ZNF675: variants seen among roughly 807,000 people sequenced by gnomAD.
The protein encoded by ZNF675 is zinc finger protein 675, also known as TRAF6 inhibitory zinc finger.
ZNF675 carries 36 observed loss-of-function variants against 56.1 expected under a neutral mutation model. The ratio of observed to expected loss-of-function variants is 0.64; its 90% CI spans 0.49 to 0.85. ZNF675 has a LOEUF of 0.85. Among genes scored for constraint, ZNF675 ranks in the 40% least tolerant of loss-of-function variants. The pLI, the probability that ZNF675 is intolerant of heterozygous loss-of-function variation, is 0.00. For missense variants in ZNF675, 663 were observed against 654.2 expected (o/e 1.01, Z -0.15); for synonymous variants, 200 against 218.9 (o/e 0.91, Z 0.76).
At chr19:23,668,074 T>C (rs1968177887) in intron 1 of ZNF675, among the ~76,000 whole-genome samples, 2 of 140,004 alleles carry the variant, frequency 1.4e-5, no homozygotes, top group Admixed American at 1.4e-4. Flanking sequence ...ACATAAAGGT[T>C]CTCCAAGGCC....
rs547912311 is a variant in ZNF675, at chr19:23,653,455, G to A, written c.1478C>T (p.Ser493Leu). The A allele has an allele frequency of 6.8e-6, 11 of 1,612,990 alleles. No individual in the cohort carries two copies. The highest frequency in any genetic ancestry group is 1.7e-5 in the Admixed American group (1 of 59,960). Reference sequence around the variant, plus strand: ...AATTCTTTTATGTGTAGTAAGGGATGAGGAGTGTTTAAAAGCTTTGCCACA... The same window carrying A: ...AATTCTTTTATGTGTAGTAAGGGATAAGGAGTGTTTAAAAGCTTTGCCACA... ...EECGKAFKHSSSLTTHKRIHT... is the reference protein window; with the variant it reads ...EECGKAFKHSLSLTTHKRIHT... Residue 493 changes from serine (S) to leucine (L), a missense_variant, in exon 4 of 4, where the codon TCA (serine) becomes TTA (leucine). Coordinates refer to ENST00000359788, the MANE Select transcript of ZNF675 (RefSeq NM_138330.3).
chr19:23,680,877 G>C (rs1412860441), intron 1 of ZNF675, among the ~76,000 whole-genome samples: 1 of 151,654 alleles, frequency 6.6e-6, no homozygotes, highest in Non-Finnish European at 1.5e-5. Flanking sequence ...AAGAGAATCA[G>C]AAAAAAATAC....
Position 23,653,973 on chromosome 19 carries a change from A to G in ZNF675, c.960T>C (p.Ala320=). The G allele has an allele frequency of 6.2e-7, 1 of 1,613,684 alleles. No homozygotes were observed. Among genetic ancestry groups the G allele is most frequent in the Non-Finnish European group, 8.5e-7 (1 of 1,179,880 alleles). Residue 320 remains alanine, a synonymous_variant, in exon 4 of 4, where the codon GCT becomes GCC. Transcript: ENST00000359788. Reference sequence around the variant, plus strand: ...TAGTAAGGGTTGAGGATTGGGTAAAAGCCTTGCCACATTCTTCACATATGT... The same window carrying G: ...TAGTAAGGGTTGAGGATTGGGTAAAGGCCTTGCCACATTCTTCACATATGT... ...QPYICEECGK[A]FTQSSTLTTH...
Position 23,654,489 on chromosome 19 carries a change from T to A in ZNF675, c.444A>T (p.Lys148Asn). 2 of 1,604,314 alleles carry A rather than the reference T, an allele frequency of 1.2e-6. No individual in the cohort carries two copies. Among genetic ancestry groups the A allele is most frequent in the Non-Finnish European group, 1.7e-6 (2 of 1,175,536 alleles). ...TMQSKMFQCD[K>N]YVKVFNKFSH... Reference sequence around the variant, plus strand: ...AAAATTTATTAAAGACTTTCACATATTTATCACATTGAAACATTTTGCTCT... The same window carrying A: ...AAAATTTATTAAAGACTTTCACATAATTATCACATTGAAACATTTTGCTCT... Residue 148 changes from lysine (K) to asparagine (N), a missense_variant, in exon 4 of 4, where the codon AAA (lysine) becomes AAT (asparagine). This residue lies in a region of ZNF675 where 617 missense variants were observed against 590.5 expected (regional missense o/e 1.04). Transcript: ENST00000359788.
chr19:23,679,501 A>G (rs1289513372), intron 1 of ZNF675, among the ~76,000 whole-genome samples: 17 of 151,730 alleles, frequency 1.1e-4, no homozygotes, highest in Non-Finnish European at 2.4e-4. Flanking sequence ...GAAGATACCA[A>G]AAGCAATTGC....
intron 1 of ZNF675, among the ~76,000 whole-genome samples, chr19:23,677,671 C>T (rs1968316311): frequency 7.4e-6 from 1 of 135,358 alleles, no homozygotes. Flanking sequence ...ACACCACTTG[C>T]ACTCCAGCCT....
Position 23,653,619 on chromosome 19 carries a change from T to C in ZNF675, c.1314A>G (p.Lys438=). The change falls in exon 4 of 4, where the codon AAA becomes AAG. Residue 438 remains lysine (K), a synonymous_variant. Transcript: ENST00000359788. ...TATGAAGTTTCTTATGTTCAGTAAG[T>C]TTTGAGGATCGGTTAAAAGCTTTGC... ...ECGKAFNRSS[K]LTEHKKLHTG... 6.2e-7 allele frequency: 1 copy of C among 1,612,102 alleles called. No individual in the cohort carries two copies. The highest frequency in any genetic ancestry group is 8.5e-7 in the Non-Finnish European group (1 of 1,179,286).
In ZNF675 at chr19:23,654,407, C is replaced by A. The variant is rs764634930; in HGVS notation, c.526G>T (p.Glu176Ter). Residue 176 changes from glutamate to a stop codon, truncating the protein, a stop_gained, in exon 4 of 4, where the codon GAA becomes TAA. Transcript: ENST00000359788. LOFTEE classifies it high-confidence loss of function. ...AGCATGCAAAATGATCTGCCACATTCTTTACATTTGAAAGGTTTATTTTCC... is the reference window on the plus strand; with the variant it reads ...AGCATGCAAAATGATCTGCCACATTATTTACATTTGAAAGGTTTATTTTCC... ...HMENKPFKCK[E>*]CGRSFCMLSH... The A allele has an allele frequency of 6.8e-6, 11 of 1,610,898 alleles. No homozygotes were observed. Among genetic ancestry groups the A allele is most frequent in the Admixed American group, 1.7e-5 (1 of 59,522 alleles).
intron 3 of ZNF675, among the ~76,000 whole-genome samples, chr19:23,658,876 T>TCTATAAATATAGATCTATAG (rs1555706348): frequency 2.6e-4 from 1 of 3,876 alleles, no homozygotes; most frequent in Non-Finnish European, 9.9e-4. Flanking sequence ...GATCTATAGA[T>TCTATAAATATAGATCTATAG]ATCTATAGAT....
chr19:23,666,330 T>C (rs1423874926), intron 1 of ZNF675, among the ~76,000 whole-genome samples: 1 of 152,210 alleles, frequency 6.6e-6, no homozygotes, highest in Admixed American at 6.5e-5. Context: ...ATCAATTGGA[T>C]ATTTGCAGAG....
At chr19:23,658,984 TAG>T (rs1789225284) in intron 3 of ZNF675, among the ~76,000 whole-genome samples, 2 of 142,310 alleles carry the variant, frequency 1.4e-5, no homozygotes, top group Non-Finnish European at 3.0e-5. Context: ...GATCTAGAGA[TAG>T]AGATCGAGAT....
At chr19:23,661,249 G>C (rs12981520) in intron 3 of ZNF675, among the ~76,000 whole-genome samples, 147,786 of 152,148 alleles carry the variant, frequency 0.97, 71,939 homozygotes, top group Middle Eastern at 1. Context: ...CTGACCTCCT[G>C]ATCCGCCCAC....
chr19:23,675,938 GATAA>G (rs1355141526), intron 1 of ZNF675, among the ~76,000 whole-genome samples: 4 of 133,628 alleles, frequency 3.0e-5, no homozygotes, highest in Non-Finnish European at 6.3e-5. Flanking sequence ...AACTCAGTAA[GATAA>G]ATAAACCACT....
In ZNF675 at chr19:23,653,834, G is replaced by A. The variant is rs1967943680; in HGVS notation, c.1099C>T (p.Pro367Ser). The A allele has an allele frequency of 1.2e-6, 2 of 1,613,772 alleles. No individual in the cohort carries two copies. The highest frequency in any genetic ancestry group is 2.2e-5 in the East Asian group (1 of 44,866). The change falls in exon 4 of 4, where the codon CCC (proline) becomes TCC (serine). Residue 367 changes from proline to serine, a missense_variant. Coordinates refer to ENST00000359788, the MANE Select transcript of ZNF675 (RefSeq NM_138330.3). ...EHKNIHTGEQ[P>S]YKCEECGKAF... The stretch of plus-strand genomic sequence containing the variant: ...TTGCCGCATTCCTCACATTTGTAGG[G>A]TTGCTCTCCAGTATGAATGTTTTTA...
chr19:23,687,050 G>A lies in ZNF675; in HGVS notation c.-17C>T. On this transcript the variant is annotated 5_prime_UTR_variant, in exon 1 of 4. Coordinates refer to ENST00000359788, the MANE Select transcript of ZNF675 (RefSeq NM_138330.3). ...TCTCACCATTTCTAGGCTTCCAGGG[G>A]GTCCTGGAGTCTTAGCTGTGGATCT... 11 of 1,613,470 alleles carry A rather than the reference G, an allele frequency of 6.8e-6. No homozygotes were observed. Among genetic ancestry groups the A allele is most frequent in the Non-Finnish European group, 9.3e-6 (11 of 1,179,604 alleles).
intron 1 of ZNF675, among the ~76,000 whole-genome samples, chr19:23,684,224 T>C (rs1473482088): frequency 1.3e-5 from 2 of 149,270 alleles, no homozygotes; most frequent in Non-Finnish European, 3.0e-5. Context: ...ATCATGTCAC[T>C]GCACTCCAGC....
intron 2 of ZNF675, among the ~76,000 whole-genome samples, chr19:23,662,772 G>A (rs957116597): frequency 9.9e-5 from 15 of 152,230 alleles, no homozygotes; most frequent in Admixed American, 6.5e-4. Flanking sequence ...CTGAGGTCAC[G>A]AGTTCGAGAC....
chr19:23,683,555 G>A (rs1968404528), intron 1 of ZNF675, among the ~76,000 whole-genome samples: 1 of 152,092 alleles, frequency 6.6e-6, no homozygotes, highest in South Asian at 2.1e-4. Context: ...CCAAGTAGCT[G>A]GGACTACAGG....
At chr19:23,662,812 T>C (rs1168229221) in intron 2 of ZNF675, among the ~76,000 whole-genome samples, 1 of 151,810 alleles carries the variant, frequency 6.6e-6, no homozygotes, top group Non-Finnish European at 1.5e-5. Context: ...AAACCCTGTC[T>C]CTACCAAAAA....
Sources: gnomAD v4.1 joint callset for allele counts (sites outside exome capture counted in the v4.1 genomes callset) on GRCh38, gnomAD v4.1.1 for gene constraint, gnomAD v4.1.1 regional missense constraint, MANE v1.5 for transcripts, NCBI Gene and HGNC (gene_info 2026-07-23, HGNC 2026-07-21) for gene names.